The following TENM3 variants were observed in gnomAD, a reference collection of about 807,000 sequenced individuals.
The protein encoded by TENM3 is teneurin transmembrane protein 3.
In TENM3, 63 loss-of-function variants were observed where a neutral mutation model predicts 255.1. That is an observed-to-expected ratio of 0.25 (90% CI 0.20 to 0.30). The LOEUF (loss-of-function observed/expected upper bound fraction) is 0.30. Among genes scored for constraint, TENM3 ranks in the 10% least tolerant of loss-of-function variants. The pLI, the probability that TENM3 is intolerant of heterozygous loss-of-function variation, is 1.00. For synonymous variants in TENM3, 1,306 were observed against 1,322.3 expected, an observed-to-expected ratio of 0.99 and a Z score of 0.27; for missense variants, 2,929 against 3,461.1, an observed-to-expected ratio of 0.85 and a Z score of 3.86.
chr4:182,496,206 G>A (rs973883640), intron 3 of TENM3, among the ~76,000 whole-genome samples: 2 of 152,160 alleles, frequency 1.3e-5, no homozygotes, highest in African/African-American at 2.4e-5. Flanking sequence ...AAGTGGGTTA[G>A]TATTACTATT....
At chr4:182,551,883 A>G (rs1277891410) in intron 3 of TENM3, among the ~76,000 whole-genome samples, 2 of 151,604 alleles carry the variant, frequency 1.3e-5, no homozygotes, top group Non-Finnish European at 2.9e-5. Context: ...CAGGCGTGGT[A>G]GTGCATGCCT....
chr4:182,417,022 G>A (rs1306020978), intron 3 of TENM3, among the ~76,000 whole-genome samples: 1 of 152,170 alleles, frequency 6.6e-6, no homozygotes, highest in East Asian at 1.9e-4. Context: ...CGCCCAGGCT[G>A]GAGTGCGGTG....
the TENM3 span, among the ~76,000 whole-genome samples, chr4:181,697,522 T>C: frequency 7.2e-3 from 1,089 of 152,192 alleles, 12 homozygotes; most frequent in Non-Finnish European, 0.011. Flanking sequence ...CCCTCCTGAG[T>C]AGCTGGGACT....
chr4:181,659,863 C>G, the TENM3 span, among the ~76,000 whole-genome samples: 1 of 152,136 alleles, frequency 6.6e-6, no homozygotes, highest in East Asian at 1.9e-4. Context: ...GAGTTACAGT[C>G]TTATTCATTG....
the TENM3 span, among the ~76,000 whole-genome samples, chr4:182,033,656 T>C: frequency 0.013 from 1,956 of 152,250 alleles, 46 homozygotes; most frequent in African/African-American, 0.044. Context: ...CCCACTATTA[T>C]TGTGTGGGAG....
At chr4:182,694,500 T>C (rs1757244039) in intron 12 of TENM3, among the ~76,000 whole-genome samples, 1 of 152,084 alleles carries the variant, frequency 6.6e-6, no homozygotes, top group Admixed American at 6.6e-5. Flanking sequence ...AAACACAGAG[T>C]TGTATATTGA....
chr4:181,758,098 G>A, the TENM3 span, among the ~76,000 whole-genome samples: 1 of 152,242 alleles, frequency 6.6e-6, no homozygotes, highest in East Asian at 1.9e-4. Flanking sequence ...CTGACAGCTC[G>A]CTACTGTTTT....
At chr4:181,868,877 G>A in the TENM3 span, among the ~76,000 whole-genome samples, 26 of 151,940 alleles carry the variant, frequency 1.7e-4, no homozygotes, top group Non-Finnish European at 2.9e-4. Flanking sequence ...TTATTCCAGA[G>A]AAGGCCTTTC....
the TENM3 span, among the ~76,000 whole-genome samples, chr4:181,960,919 G>GGT: frequency 6.6e-6 from 1 of 151,878 alleles, no homozygotes; most frequent in South Asian, 2.1e-4. Context: ...GAATACCACC[G>GGT]GCTGATCACA....
intron 4 of TENM3, among the ~76,000 whole-genome samples, chr4:182,607,974 A>G (rs1748593824): frequency 6.6e-6 from 1 of 152,188 alleles, no homozygotes; most frequent in African/African-American, 2.4e-5. Flanking sequence ...GGTCCTAGTC[A>G]GTGATTGCGA....
chr4:181,889,533 GT>G, the TENM3 span, among the ~76,000 whole-genome samples: 2 of 152,206 alleles, frequency 1.3e-5, no homozygotes, highest in Non-Finnish European at 2.9e-5. Flanking sequence ...TTTTGAGGCT[GT>G]TTTTGGCATA....
intron 5 of TENM3, among the ~76,000 whole-genome samples, chr4:182,634,924 C>T (rs1187863461): frequency 6.6e-6 from 1 of 152,150 alleles, no homozygotes; most frequent in African/African-American, 2.4e-5. Flanking sequence ...AGAAATCCCT[C>T]ATGAAGGATA....
intron 4 of TENM3, among the ~76,000 whole-genome samples, chr4:182,611,551 T>C (rs938529939): frequency 6.6e-6 from 1 of 152,174 alleles, no homozygotes; most frequent in East Asian, 1.9e-4. Context: ...TCAGTAGCTA[T>C]TACATTTTTA....
At chr4:182,286,501 C>T (rs557037451) in intron 1 of TENM3, among the ~76,000 whole-genome samples, 24 of 152,284 alleles carry the variant, frequency 1.6e-4, no homozygotes, top group Admixed American at 7.2e-4. Flanking sequence ...ACAACGCTGA[C>T]GGACCCCTCA....
At chr4:182,721,538 G>A (rs549230125) in intron 13 of TENM3, among the ~76,000 whole-genome samples, 1 of 152,200 alleles carries the variant, frequency 6.6e-6, no homozygotes, top group South Asian at 2.1e-4. Flanking sequence ...GCGAATCTGT[G>A]TGTGTGTGTG....
chr4:181,806,215 T>A, the TENM3 span, among the ~76,000 whole-genome samples: 1 of 152,240 alleles, frequency 6.6e-6, no homozygotes, highest in Non-Finnish European at 1.5e-5. Flanking sequence ...CAGAAATTCC[T>A]ATACCTGCTC....
At chr4:181,600,331 A>G in the TENM3 span, among the ~76,000 whole-genome samples, 3,336 of 152,262 alleles carry the variant, frequency 0.022, 149 homozygotes, top group African/African-American at 0.077. Context: ...GCAAGAGGAT[A>G]AATGGAGGCT....
chr4:182,683,188 GT>G lies in TENM3; in HGVS notation c.2035+1177del, dbSNP rs199732985. On this transcript the variant is annotated intron_variant, in intron 11 of 27. Transcript: ENST00000511685. ...CTTAGGCAAATTACTATATGCCTCAGTTTACTCATCTGTAAAATCATGGGAC... is the reference window on the plus strand; with the variant it reads ...CTTAGGCAAATTACTATATGCCTCAGTTACTCATCTGTAAAATCATGGGAC... 9.1e-3 allele frequency among the ~76,000 whole-genome samples: 1,390 copies of G among 152,260 alleles called. 18 individuals carry two copies. Among genetic ancestry groups the G allele is most frequent in the African/African-American group, 0.032 (1,331 of 41,558 alleles).
At chr4:182,554,901 A>T (rs193027726) in intron 3 of TENM3, among the ~76,000 whole-genome samples, 2 of 146,280 alleles carry the variant, frequency 1.4e-5, no homozygotes, top group Admixed American at 1.4e-4. Context: ...CTTTCACATG[A>T]TGTACGTTTC....
Sources: allele counts gnomAD v4.1 joint callset (sites outside exome capture counted in the v4.1 genomes callset), GRCh38; gene constraint gnomAD v4.1.1; transcripts MANE v1.5; gene names NCBI Gene and HGNC (gene_info 2026-07-23, HGNC 2026-07-21).